Variants in FGF14 observed in about 807,000 individuals in gnomAD.
FGF14 encodes fibroblast growth factor 14.
In FGF14, 5 loss-of-function variants were observed where a neutral mutation model predicts 25.5. That is an observed-to-expected ratio of 0.20 (90% CI 0.10 to 0.41). FGF14 has a LOEUF of 0.41. Ranked by LOEUF, FGF14 falls within the 10% of genes least tolerant of loss-of-function variation. The probability of loss-of-function intolerance (pLI) is 1.00; values close to 1 mark genes in which losing one functional copy is unlikely to be tolerated. For synonymous variants in FGF14, 138 were observed against 118.3 expected (o/e 1.17, Z -1.08); for missense variants, 222 against 320.1 (o/e 0.69, Z 2.34).
chr13:102,092,391 C>G (rs1360481035), intron 1 of FGF14, among the ~76,000 whole-genome samples: 2 of 152,110 alleles, frequency 1.3e-5, no homozygotes, highest in Non-Finnish European at 2.9e-5. Context: ...AAACTGTGCC[C>G]ACATCATGTC....
intron 1 of FGF14, among the ~76,000 whole-genome samples, chr13:102,269,828 G>A (rs1416452989): frequency 2.6e-5 from 4 of 151,988 alleles, no homozygotes; most frequent in Non-Finnish European, 5.9e-5. Flanking sequence ...AACACAATGA[G>A]ACTCACCCTT....
At chr13:102,152,888 C>T (rs1594169234) in intron 1 of FGF14, among the ~76,000 whole-genome samples, 1 of 152,064 alleles carries the variant, frequency 6.6e-6, no homozygotes, top group South Asian at 2.1e-4. Context: ...TGTGAGGGGG[C>T]CGTTTAAGAG....
intron 1 of FGF14, among the ~76,000 whole-genome samples, chr13:102,320,147 G>A (rs1358540944): frequency 6.6e-6 from 1 of 151,936 alleles, no homozygotes; most frequent in Non-Finnish European, 1.5e-5. Flanking sequence ...AGATAATCAG[G>A]AGTCCTAGAT....
At chr13:101,878,183 A>G (rs1368782938) in intron 1 of FGF14, among the ~76,000 whole-genome samples, 1 of 152,130 alleles carries the variant, frequency 6.6e-6, no homozygotes, top group African/African-American at 2.4e-5. Context: ...AATATTCCAT[A>G]ATTTCCCACA....
rs2039955400 is a variant in FGF14 at position 102,009,177 on chromosome 13, G to A, written c.209-133881C>T. On this transcript the variant is annotated intron_variant, in intron 1 of 4. Transcript: ENST00000376131. ...CTTTACCATGTACATTTGTCCTTCT[G>A]TGTATTGTGTGTGTCTATAAGATCA... Among the ~76,000 whole-genome samples, 4 of 152,116 alleles carry A rather than the reference G, an allele frequency of 2.6e-5. No individual in the cohort carries two copies. The South Asian group carries it at 8.3e-4, about 31-fold the overall frequency.
chr13:101,724,033 A>G (rs2035186515), intron 4 of FGF14, among the ~76,000 whole-genome samples: 1 of 152,138 alleles, frequency 6.6e-6, no homozygotes, highest in Non-Finnish European at 1.5e-5. Flanking sequence ...ATCAGCACAC[A>G]TACTTGAAAG....
intron 1 of FGF14, among the ~76,000 whole-genome samples, chr13:102,099,105 G>A (rs1279785137): frequency 3.9e-5 from 6 of 152,194 alleles, no homozygotes; most frequent in Admixed American, 6.5e-5. Context: ...GGTCATTCCC[G>A]TTTCCTCCTG....
chr13:102,162,432 C>T (rs1468807668), intron 1 of FGF14, among the ~76,000 whole-genome samples: 1 of 152,080 alleles, frequency 6.6e-6, no homozygotes, highest in African/African-American at 2.4e-5. Flanking sequence ...TATAAATGAA[C>T]ATCACATTTA....
intron 1 of FGF14, among the ~76,000 whole-genome samples, chr13:101,929,708 TTA>T (rs1357328322): frequency 2.6e-5 from 4 of 152,010 alleles, no homozygotes; most frequent in African/African-American, 7.3e-5. Flanking sequence ...GCATCTTTAT[TTA>T]TATGTGTTAT....
intron 1 of FGF14, among the ~76,000 whole-genome samples, chr13:102,093,576 A>C (rs957639470): frequency 2.0e-5 from 3 of 152,146 alleles, no homozygotes; most frequent in East Asian, 3.8e-4. Flanking sequence ...ATAAAAAGTG[A>C]TCTCTCATGT....
intron 1 of FGF14, among the ~76,000 whole-genome samples, chr13:102,169,598 C>T (rs1435493560): frequency 6.6e-6 from 1 of 152,160 alleles, no homozygotes; most frequent in Non-Finnish European, 1.5e-5. Context: ...TTTAAAGTTA[C>T]AGAACCATAT....
At chr13:101,727,299 A>C (rs1022487915) in intron 3 of FGF14, among the ~76,000 whole-genome samples, 1 of 152,106 alleles carries the variant, frequency 6.6e-6, no homozygotes, top group Non-Finnish European at 1.5e-5. Flanking sequence ...ACAAACTGAA[A>C]CCTCAAACTA....
intron 1 of FGF14, among the ~76,000 whole-genome samples, chr13:101,915,311 A>C (rs2033355331): frequency 6.6e-6 from 1 of 152,218 alleles, no homozygotes; most frequent in African/African-American, 2.4e-5. Context: ...TGAGAAACAC[A>C]TGTATAGCTT....
intron 1 of FGF14, among the ~76,000 whole-genome samples, chr13:102,201,188 T>G (rs962654770): frequency 2.7e-5 from 4 of 146,400 alleles, no homozygotes; most frequent in Non-Finnish European, 6.0e-5. Context: ...GAAATGAGAA[T>G]GCTAAAATTT....
intron 3 of FGF14, among the ~76,000 whole-genome samples, chr13:101,859,592 A>G (rs1342677765): frequency 1.3e-5 from 2 of 152,136 alleles, no homozygotes; most frequent in African/African-American, 4.8e-5. Context: ...AGTTATGAAT[A>G]TTGAGTTGAA....
chr13:102,145,367 T>C (rs1347352200), intron 1 of FGF14, among the ~76,000 whole-genome samples: 2 of 152,138 alleles, frequency 1.3e-5, no homozygotes, highest in African/African-American at 4.8e-5. Flanking sequence ...AAAGCTGTCT[T>C]GCACCCATAG....
At position 102,306,455 on chromosome 13, in the gene FGF14, A is replaced by T. The variant is rs537610711; in HGVS notation, c.208+95016T>A. Among the ~76,000 whole-genome samples the T allele has an allele frequency of 2.0e-5, 3 of 152,264 alleles. No homozygotes were observed. The East Asian group carries it at 5.8e-4, about 29-fold the overall frequency. On this transcript the variant is annotated intron_variant, in intron 1 of 4. Transcript: ENST00000376131. ...GAGAAGAATCAGGCCTTCTGGAAAA[A>T]ATAGGTACTAAACAGGCTGAACAGA...
chr13:102,255,427 A>G (rs879439388), intron 1 of FGF14, among the ~76,000 whole-genome samples: 2 of 152,252 alleles, frequency 1.3e-5, no homozygotes, highest in Non-Finnish European at 2.9e-5. Context: ...ATCACACAAT[A>G]AAGAAAAAAG....
At chr13:102,307,721 C>A (rs1212017525) in intron 1 of FGF14, among the ~76,000 whole-genome samples, 1 of 152,120 alleles carries the variant, frequency 6.6e-6, no homozygotes, top group Admixed American at 6.6e-5. Context: ...TTAATCTTCA[C>A]AACATTCTTA....
Sources: allele counts gnomAD v4.1 joint callset (sites outside exome capture counted in the v4.1 genomes callset), GRCh38; gene constraint gnomAD v4.1.1; transcripts MANE v1.5; gene names NCBI Gene and HGNC (gene_info 2026-07-23, HGNC 2026-07-21).